Variants in BMAL1 observed in about 807,000 individuals in gnomAD.
BMAL1 encodes basic helix-loop-helix ARNT like 1, also known as basic helix-loop-helix ARNT-like protein 1.
the BMAL1 span, among the ~76,000 whole-genome samples, chr11:13,292,838 G>C: frequency 6.6e-6 from 1 of 152,154 alleles, no homozygotes; most frequent in East Asian, 1.9e-4. Context: ...AAACACCCAA[G>C]GGGGCACACA....
chr11:13,350,510 T>G, the BMAL1 span, among the ~76,000 whole-genome samples: 1 of 152,226 alleles, frequency 6.6e-6, no homozygotes, highest in Admixed American at 6.5e-5. Context: ...AAATGTATTC[T>G]AAAGCACAGT....
chr11:13,337,484 G>T, the BMAL1 span, among the ~76,000 whole-genome samples: 1 of 152,140 alleles, frequency 6.6e-6, no homozygotes, highest in South Asian at 2.1e-4. Flanking sequence ...CTATGTAAGA[G>T]ATGATGTTCT....
chr11:13,381,060 C>T, the BMAL1 span: 4 of 1,241,652 alleles, frequency 3.2e-6, no homozygotes, highest in African/African-American at 3.0e-5. Context: ...CTTGCCAAAC[C>T]CTAATCTAGA....
At chr11:13,338,559 A>G in the BMAL1 span, among the ~76,000 whole-genome samples, 2 of 152,264 alleles carry the variant, frequency 1.3e-5, no homozygotes, top group South Asian at 4.1e-4. Flanking sequence ...CGTAGGTGGG[A>G]GGAGGGATGG....
At chr11:13,386,209 T>C in the BMAL1 span, among the ~76,000 whole-genome samples, 3 of 152,238 alleles carry the variant, frequency 2.0e-5, no homozygotes, top group Admixed American at 6.5e-5. Flanking sequence ...TCTGTTTTTT[T>C]CCTAAACTCT....
At chr11:13,305,298 A>C in the BMAL1 span, among the ~76,000 whole-genome samples, 1 of 152,194 alleles carries the variant, frequency 6.6e-6, no homozygotes, top group Admixed American at 6.5e-5. Flanking sequence ...GATGGCCTCA[A>C]GTGGCTAAAC....
the BMAL1 span, chr11:13,375,780 A>G: frequency 2.0e-6 from 3 of 1,529,962 alleles, no homozygotes; most frequent in Non-Finnish European, 2.6e-6. Context: ...CTTTTCCTAT[A>G]TCTGAAGCTC....
the BMAL1 span, among the ~76,000 whole-genome samples, chr11:13,355,894 C>T: frequency 2.0e-5 from 3 of 152,154 alleles, no homozygotes; most frequent in African/African-American, 7.2e-5. Context: ...TTTGAAGGGC[C>T]ATGCTCTCTC....
chr11:13,384,707 CA>C, the BMAL1 span, among the ~76,000 whole-genome samples: 1 of 152,126 alleles, frequency 6.6e-6, no homozygotes, highest in East Asian at 1.9e-4. Flanking sequence ...TTAAGCCAGA[CA>C]TTAGATTTGC....
chr11:13,284,255 T>C, the BMAL1 span, among the ~76,000 whole-genome samples: 592 of 39,824 alleles, frequency 0.015, 112 homozygotes, highest in Middle Eastern at 0.074. Context: ...TATATATATA[T>C]ATATATATAT....
the BMAL1 span, chr11:13,376,732 A>G: frequency 6.2e-7 from 1 of 1,613,138 alleles, no homozygotes; most frequent in South Asian, 1.1e-5. Flanking sequence ...GGAGAAGGTA[A>G]CTATGTGCTG....
chr11:13,372,834 G>C, the BMAL1 span, among the ~76,000 whole-genome samples: 4 of 152,068 alleles, frequency 2.6e-5, no homozygotes, highest in East Asian at 3.9e-4. Context: ...CAAATGATGA[G>C]AGTCTCTGTT....
chr11:13,366,872 C>T, the BMAL1 span: 5 of 923,822 alleles, frequency 5.4e-6, no homozygotes, highest in Non-Finnish European at 8.3e-6. Context: ...GTGTGATGGG[C>T]TCAGCCTTTC....
the BMAL1 span, among the ~76,000 whole-genome samples, chr11:13,333,808 C>CT: frequency 0.081 from 12,384 of 152,252 alleles, 633 homozygotes; most frequent in East Asian, 0.19. Context: ...CCTAGTTCTG[C>CT]TTTTTGTGGC....
chr11:13,309,411 G>A, the BMAL1 span, among the ~76,000 whole-genome samples: 1 of 152,106 alleles, frequency 6.6e-6, no homozygotes, highest in African/African-American at 2.4e-5. Flanking sequence ...GATGGTTTCT[G>A]CCCAGGGGAG....
the BMAL1 span, among the ~76,000 whole-genome samples, chr11:13,295,054 G>T: frequency 1.3e-5 from 2 of 152,234 alleles, no homozygotes; most frequent in Admixed American, 6.5e-5. Context: ...GAAGGGCTAG[G>T]GGTGCTGAGC....
the BMAL1 span, among the ~76,000 whole-genome samples, chr11:13,351,164 T>C: frequency 6.6e-6 from 1 of 152,148 alleles, no homozygotes; most frequent in East Asian, 1.9e-4. Context: ...TATGTGGATA[T>C]TCAAGGGGGC....
At chr11:13,277,175 T>TG in the BMAL1 span, 7 of 152,330 alleles carry the variant, frequency 4.6e-5, no homozygotes, top group African/African-American at 1.7e-4. Flanking sequence ...AGGAAGGGTC[T>TG]GGCACTCAAC....
chr11:13,372,474 C>T, the BMAL1 span: 1 of 1,588,144 alleles, frequency 6.3e-7, no homozygotes, highest in South Asian at 1.1e-5. Context: ...ATCTAAAAAG[C>T]AGAGAAGACT....
Sources: gnomAD v4.1 joint callset for allele counts (sites outside exome capture counted in the v4.1 genomes callset) on GRCh38, gnomAD v4.1.1 for gene constraint, MANE v1.5 for transcripts, NCBI Gene and HGNC (gene_info 2026-07-23, HGNC 2026-07-21) for gene names.